Variants in ZNF439 observed in about 807,000 individuals in gnomAD.
The protein encoded by ZNF439 is zinc finger protein 439.
Under a neutral mutation model 47.3 loss-of-function variants are expected in ZNF439, and 40 were observed. That is an observed-to-expected ratio of 0.85 (90% confidence interval 0.66 to 1.10). The LOEUF is 1.10. Among genes scored for constraint, ZNF439 ranks in the 50% least tolerant of loss-of-function variants. The pLI is 0.00. For synonymous variants in ZNF439, 171 were observed against 198.8 expected (o/e 0.86, Z 1.18); for missense variants, 556 against 601.1 (o/e 0.93, Z 0.78).
At chr19:11,866,051 AG>A in intron 1 of ZNF439, 153 bp from the exon 2 acceptor site, 1 of 1,482,888 alleles carries the variant, frequency 6.7e-7, no homozygotes, top group African/African-American at 1.4e-5. Context: ...TATGGAAGAA[AG>A]TAAGTATAGA....
rs957514094 is a variant in ZNF439 at position 11,867,663 on chromosome 19, T to C, written c.609T>C (p.His203=). Residue 203 remains histidine (H), a synonymous_variant, in exon 4 of 4, where the codon CAT becomes CAC. Coordinates refer to ENST00000682736, the MANE Select transcript of ZNF439 (RefSeq NM_001348719.2). The part of the protein sequence containing the change: ...CKECGKNIIY[H]SSIQRHMVVH... ...AATGTGGAAAAAACATTATTTACCA[T>C]TCAAGCATTCAAAGACACATGGTAG... The C allele has an allele frequency of 2.0e-5, 32 of 1,614,032 alleles. No homozygotes were observed. The highest frequency in any genetic ancestry group is 4.0e-5 in the African/African-American group (3 of 74,926).
intron 1 of ZNF439, among the ~76,000 whole-genome samples, chr19:11,862,572 C>T (rs1028438991): frequency 6.6e-6 from 1 of 152,050 alleles, no homozygotes; most frequent in Admixed American, 6.6e-5. Flanking sequence ...TCCATAAGAC[C>T]GTGCTTATTT....
intron 1 of ZNF439, among the ~76,000 whole-genome samples, chr19:11,854,253 A>C (rs1976325130): frequency 6.6e-6 from 1 of 152,224 alleles, no homozygotes; most frequent in Non-Finnish European, 1.5e-5. Context: ...AGAACTATGC[A>C]AAGTGATGGA....
At chr19:11,857,576 G>A (rs1188250705) in intron 1 of ZNF439, 2 of 152,238 alleles carry the variant, frequency 1.3e-5, no homozygotes, top group African/African-American at 2.4e-5. Flanking sequence ...GCATGTCTCT[G>A]CTGAAGCATC....
intron 1 of ZNF439, 132 bp downstream of exon 1, chr19:11,849,062 C>G (rs944526125): frequency 2.7e-5 from 33 of 1,223,396 alleles, no homozygotes; most frequent in Middle Eastern, 3.5e-4. Flanking sequence ...TCGGTCCCCG[C>G]GGCCGCTGGA....
chr19:11,848,782 A>G lies in ZNF439; in HGVS notation c.-86A>G. 2.9e-6 allele frequency: 4 copies of G among 1,357,238 alleles called. No homozygotes were observed. The highest frequency in any genetic ancestry group is 3.9e-6 in the Non-Finnish European group (4 of 1,033,508). 84.1% of individuals were successfully genotyped at this position (1,357,238 alleles called of 1,614,324 possible). A position where few individuals can be genotyped will look rare whatever the true frequency, so the allele number is the denominator to read the frequency against. On this transcript the variant is annotated 5_prime_UTR_variant, in exon 1 of 4. Transcript: ENST00000682736. Reference sequence around the variant, plus strand: ...TCCTGCCGTCACCTTTGTCGCTGCGAGGGCGGCGGTTGGGATCTGGCCTTT... The same window carrying G: ...TCCTGCCGTCACCTTTGTCGCTGCGGGGGCGGCGGTTGGGATCTGGCCTTT...
intron 1 of ZNF439, among the ~76,000 whole-genome samples, chr19:11,861,955 T>C (rs1976552372): frequency 6.6e-6 from 1 of 152,212 alleles, no homozygotes. Flanking sequence ...GTGTCTTTAG[T>C]GCACTCTCCT....
At chr19:11,867,164 C>G in intron 3 of ZNF439, 142 bp from the exon 4 acceptor site, 1 of 994,332 alleles carries the variant, frequency 1.0e-6, no homozygotes, top group African/African-American at 1.6e-5. Flanking sequence ...AATGTGTTGT[C>G]CAGTCACCTT....
intron 1 of ZNF439, among the ~76,000 whole-genome samples, chr19:11,859,149 G>T (rs1976472353): frequency 6.6e-6 from 1 of 152,194 alleles, no homozygotes; most frequent in Admixed American, 6.5e-5. Flanking sequence ...TGCAGCCATG[G>T]TATGAGGAAT....
rs143797623 is a variant in ZNF439 at position 11,849,267 on chromosome 19, T to C, written c.63+337T>C. 9.6e-4 allele frequency: 978 copies of C among 1,014,086 alleles called. 6 individuals are homozygous for C. In the African/African-American group the frequency reaches 0.016, roughly 16 times the overall value. 62.8% of individuals were successfully genotyped at this position (1,014,086 alleles called of 1,614,324 possible). On this transcript the variant is annotated intron_variant, in intron 1 of 3. Coordinates refer to ENST00000682736, the MANE Select transcript of ZNF439 (RefSeq NM_001348719.2). ...TTCGTCCGTAGGAGGAGCAGCGGTC[T>C]GTGGGGCCCACAGCCTCCACTTTCT...
chr19:11,850,167 G>T (rs1976195373), intron 1 of ZNF439: 1 of 152,244 alleles, frequency 6.6e-6, no homozygotes, highest in Admixed American at 6.5e-5. Context: ...TCTGCCTTCT[G>T]GGTTCAAGGG....
chr19:11,867,549 T>C lies in ZNF439; in HGVS notation c.495T>C (p.Ser165=). The change falls in exon 4 of 4, where the codon AGT becomes AGC. Residue 165 remains serine, a synonymous_variant. Coordinates refer to ENST00000682736, the MANE Select transcript of ZNF439 (RefSeq NM_001348719.2). ...AATATGGACCAAAGCCATGGAAGAG[T>C]CAACAACCTAAAAAAGCCTTCAGAT... ...CQEYGPKPWK[S]QQPKKAFRYH... is the part of the protein sequence containing the mutation. 1 of 1,613,662 alleles carries C rather than the reference T, an allele frequency of 6.2e-7. No individual in the cohort carries two copies. Among genetic ancestry groups the C allele is most frequent in the Non-Finnish European group, 8.5e-7 (1 of 1,179,918 alleles).
chr19:11,868,170 G>A lies in ZNF439; in HGVS notation c.1116G>A (p.Lys372=), dbSNP rs1439186705. ...GTGGGAAAGGCTTTTATTCTGCCAA[G>A]TCATTTCAAAGACATGAAAAAACTC... ...KTCGKGFYSA[K]SFQRHEKTHS... The change falls in exon 4 of 4, where the codon AAG becomes AAA. Residue 372 remains lysine (K), a synonymous_variant. Transcript: ENST00000682736. The A allele has an allele frequency of 5.0e-6, 8 of 1,613,854 alleles. No homozygotes were observed. The highest frequency in any genetic ancestry group is 5.9e-6 in the Non-Finnish European group (7 of 1,180,016).
In ZNF439 at chr19:11,864,941, C is replaced by T. The variant is rs538324290; in HGVS notation, c.64-1264C>T. On this transcript the variant is annotated intron_variant, in intron 1 of 3. Coordinates refer to ENST00000682736, the MANE Select transcript of ZNF439 (RefSeq NM_001348719.2). Reference sequence around the variant, plus strand: ...GATTACAGGCATGCGCCACCATGCCCGGCTAATTTTGTATTTTTAGTAGAG... The same window carrying T: ...GATTACAGGCATGCGCCACCATGCCTGGCTAATTTTGTATTTTTAGTAGAG... Among the ~76,000 whole-genome samples, 24 of 151,974 alleles carry T rather than the reference C, an allele frequency of 1.6e-4. No homozygotes were observed. In the East Asian group the frequency reaches 2.9e-3, roughly 18 times the overall value.
Position 11,867,590 on chromosome 19 carries a change from G to A in ZNF439, c.536G>A (p.Arg179Lys). The A allele has an allele frequency of 6.2e-7, 1 of 1,614,094 alleles. No homozygotes were observed. The highest frequency in any genetic ancestry group is 1.1e-5 in the South Asian group (1 of 91,078). Residue 179 changes from arginine (R) to lysine (K), a missense_variant, in exon 4 of 4, where the codon AGA (arginine) becomes AAA (lysine). Physicochemically the swap from Arg to Lys is conservative, Grantham distance 26. Transcript: ENST00000682736. ...GCCTTCAGATATCACCCCTCCTTGA[G>A]AACACAAGAAAGGGATCACACTGGA... ...KKAFRYHPSL[R>K]TQERDHTGKK... is the part of the protein sequence containing the mutation.
chr19:11,861,423 G>T (rs1171701942), intron 1 of ZNF439, among the ~76,000 whole-genome samples: 2 of 152,172 alleles, frequency 1.3e-5, no homozygotes, highest in Non-Finnish European at 2.9e-5. Flanking sequence ...CTCCTGGAGG[G>T]TCTAGTGGGT....
rs772883225 is a variant in ZNF439, at chr19:11,867,707, C to T, written c.653C>T (p.Pro218Leu). Reference protein sequence around the residue: ...RHMVVHSGDGPYKCKFCGKAF... With the variant: ...RHMVVHSGDGLYKCKFCGKAF... Reference sequence around the variant, plus strand: ...ATGGTAGTGCACAGTGGGGATGGACCTTATAAATGTAAGTTTTGTGGGAAA... The same window carrying T: ...ATGGTAGTGCACAGTGGGGATGGACTTTATAAATGTAAGTTTTGTGGGAAA... Residue 218 changes from proline (P) to leucine (L), a missense_variant, in exon 4 of 4, where the codon CCT (proline) becomes CTT (leucine). Pro to Leu is a moderately conservative substitution (Grantham distance 98). Coordinates refer to ENST00000682736, the MANE Select transcript of ZNF439 (RefSeq NM_001348719.2). 49 of 1,614,044 alleles carry T rather than the reference C, an allele frequency of 3.0e-5. No homozygotes were observed. Among genetic ancestry groups the T allele is most frequent in the Non-Finnish European group, 3.8e-5 (45 of 1,180,010 alleles).
Position 11,868,837 on chromosome 19 carries a change from A to T in ZNF439, c.*268A>T. The T allele has an allele frequency of 1.9e-6, 1 of 521,166 alleles. No homozygotes were observed. 32.3% of individuals were successfully genotyped at this position (521,166 alleles called of 1,614,324 possible). A position where few individuals can be genotyped will look rare whatever the true frequency, so the allele number is the denominator to read the frequency against. On this transcript the variant is annotated 3_prime_UTR_variant, in exon 4 of 4. Transcript: ENST00000682736. ...CCCTATGAATGTAAGAAATGTGGAAAAGCGTTCCATAATTTCTCTTCTTTT... is the reference window on the plus strand; with the variant it reads ...CCCTATGAATGTAAGAAATGTGGAATAGCGTTCCATAATTTCTCTTCTTTT...
chr19:11,860,554 C>T (rs571167521), intron 1 of ZNF439, among the ~76,000 whole-genome samples: 8 of 152,178 alleles, frequency 5.3e-5, no homozygotes, highest in Non-Finnish European at 8.8e-5. Context: ...TGTTCACGGC[C>T]GCCGCTTTGC....
Sources: gnomAD v4.1 joint callset for allele counts (sites outside exome capture counted in the v4.1 genomes callset) on GRCh38, gnomAD v4.1.1 for gene constraint, MANE v1.5 for transcripts, NCBI Gene and HGNC (gene_info 2026-07-23, HGNC 2026-07-21) for gene names.